Variants in SLC30A5 observed in about 807,000 individuals in gnomAD.
The protein encoded by SLC30A5 is solute carrier family 30 member 5.
In SLC30A5, 33 loss-of-function variants were observed where a neutral mutation model predicts 79.6. The ratio of observed to expected loss-of-function variants is 0.41; its 90% CI spans 0.31 to 0.55. The LOEUF (loss-of-function observed/expected upper bound fraction) is 0.55, where lower values mean the gene tolerates loss of function less well. Among genes scored for constraint, SLC30A5 ranks in the 20% least tolerant of loss-of-function variants. SLC30A5 has a pLI of 0.20. For missense variants in SLC30A5, 788 were observed against 928.1 expected, an observed-to-expected ratio of 0.85 and a Z score of 1.96; for synonymous variants, 299 against 319.7, an observed-to-expected ratio of 0.94 and a Z score of 0.69.
rs1217780579 is a variant in SLC30A5 at position 69,094,333 on chromosome 5, C to A, written c.78C>A (p.Ser26Arg). ...GCCTTGGGCCGGTGGACGTACCCAGCGCTCGGTAAGGGACCGATCCGGAAG... is the reference window on the plus strand; with the variant it reads ...GCCTTGGGCCGGTGGACGTACCCAGAGCTCGGTAAGGGACCGATCCGGAAG... ...GGGLGPVDVPSARLTKYIVLL... is the reference protein window; with the variant it reads ...GGGLGPVDVPRARLTKYIVLL... Residue 26 changes from serine to arginine, a missense_variant, in exon 1 of 16, where the codon AGC (serine) becomes AGA (arginine). Around this residue, in one of 3 missense-constraint regions of SLC30A5, gnomAD observed 626 missense variants for 755.5 expected, o/e 0.83. Coordinates refer to ENST00000396591, the MANE Select transcript of SLC30A5 (RefSeq NM_022902.5). 41 of 1,251,506 alleles carry A rather than the reference C, an allele frequency of 3.3e-5. No homozygotes were observed. Among genetic ancestry groups the A allele is most frequent in the Non-Finnish European group, 3.9e-5 (39 of 990,808 alleles). The allele number at this position is 1,251,506 out of a possible 1,614,324, so 77.5% of individuals were successfully genotyped here. A position where few individuals can be genotyped will look rare whatever the true frequency, so the allele number is the denominator to read the frequency against.
intron 6 of SLC30A5, among the ~76,000 whole-genome samples, chr5:69,113,635 T>A (rs1035958702): frequency 6.6e-6 from 1 of 152,202 alleles, no homozygotes; most frequent in African/African-American, 2.4e-5. Context: ...GTATTCATTG[T>A]CTTGCTCTAA....
At position 69,129,461 on chromosome 5, in the gene SLC30A5, T is replaced by TA. The variant is rs747152348; in HGVS notation, c.2145dup (p.Asp716ArgfsTer29). 3 of 1,611,682 alleles carry TA rather than the reference T, an allele frequency of 1.9e-6. No homozygotes were observed. Among genetic ancestry groups the TA allele is most frequent in the Non-Finnish European group, 2.5e-6 (3 of 1,179,302 alleles). ...TTTTATAACAGGTTACAGGAATACTTAAAGATGCTGGAGTAAACAATTTAA... is the reference window on the plus strand; with the variant it reads ...TTTTATAACAGGTTACAGGAATACTTAAAAGATGCTGGAGTAAACAATTTAA... On this transcript the variant is annotated frameshift_variant, in exon 16 of 16. Transcript: ENST00000396591. LOFTEE classifies it high-confidence loss of function.
chr5:69,116,596 G>C lies in SLC30A5; in HGVS notation c.1275G>C (p.Leu425Phe), dbSNP rs1425175589. 6.5e-7 allele frequency: 1 copy of C among 1,541,766 alleles called. No individual in the cohort carries two copies. Among genetic ancestry groups the C allele is most frequent in the Non-Finnish European group, 8.7e-7 (1 of 1,149,136 alleles). ...DSRQIFYFLC[L>F]NLLFTFVELF... ...GGCAGATCTTTTACTTCTTGTGCTT[G>C]AATCTGGTAAGATTTTTAAATGTTA... Residue 425 changes from leucine (L) to phenylalanine (F), a missense_variant, in exon 10 of 16, where the codon TTG becomes TTC. By Grantham distance (22) the Leu-to-Phe change is conservative. Coordinates refer to ENST00000396591, the MANE Select transcript of SLC30A5 (RefSeq NM_022902.5). The surrounding 1 kb of genome is among the most constrained non-coding windows in gnomAD (Gnocchi z 4.0).
intron 4 of SLC30A5, among the ~76,000 whole-genome samples, chr5:69,106,387 C>T (rs143657930): frequency 1.7e-4 from 26 of 152,222 alleles, no homozygotes; most frequent in African/African-American, 5.8e-4. Flanking sequence ...TCCTGTGTTA[C>T]TATATCACTG....
rs944941001 is a variant in SLC30A5, at chr5:69,130,420, A to G, written c.*803A>G. The G allele has an allele frequency of 6.6e-6, 1 of 152,162 alleles. No homozygotes were observed. The highest frequency in any genetic ancestry group is 2.4e-5 in the African/African-American group (1 of 41,452). 9.4% of individuals were successfully genotyped at this position (152,162 alleles called of 1,614,324 possible). On this transcript the variant is annotated 3_prime_UTR_variant, in exon 16 of 16. Coordinates refer to ENST00000396591, the MANE Select transcript of SLC30A5 (RefSeq NM_022902.5). The stretch of plus-strand genomic sequence containing the variant: ...AAGCTGCTTATCAAGCTGGTATCCA[A>G]GCAGTGGTAAGCTTTCATCCTTTCT...
In SLC30A5 at chr5:69,094,424, C is replaced by A. The variant is rs1393552705; in HGVS notation, c.83+86C>A. 9.8e-6 allele frequency: 12 copies of A among 1,219,162 alleles called. No homozygotes were observed. The African/African-American group carries it at 1.9e-4, about 19-fold the overall frequency. The allele number at this position is 1,219,162 out of a possible 1,614,324, so 75.5% of individuals were successfully genotyped here. A position where few individuals can be genotyped will look rare whatever the true frequency, so the allele number is the denominator to read the frequency against. ...CCTCCCTCCGGTCTCCGCTGACAGC[C>A]CGGGACGTCCCGGGGTCGGCGCGCC... On this transcript the variant is annotated intron_variant, in intron 1 of 15. Transcript: ENST00000396591.
intron 4 of SLC30A5, among the ~76,000 whole-genome samples, chr5:69,105,350 T>TC (rs1746052614): frequency 1.3e-5 from 2 of 152,208 alleles, no homozygotes; most frequent in African/African-American, 4.8e-5. Context: ...GTAAAGGATT[T>TC]TACTTAGTGA....
At chr5:69,126,247 T>C (rs901386404) in intron 14 of SLC30A5, among the ~76,000 whole-genome samples, 2 of 152,206 alleles carry the variant, frequency 1.3e-5, no homozygotes, top group African/African-American at 2.4e-5. Flanking sequence ...TAAATAAAAT[T>C]AGTAAAGTTA....
intron 1 of SLC30A5, 115 bp downstream of exon 1, chr5:69,094,453 T>G: frequency 7.3e-6 from 8 of 1,095,340 alleles, no homozygotes; most frequent in Non-Finnish European, 9.3e-6. Context: ...GCGCGCCCTC[T>G]CCCCCTGCCT....
At chr5:69,126,668 G>T (rs1300223902) in intron 14 of SLC30A5, among the ~76,000 whole-genome samples, 1 of 151,978 alleles carries the variant, frequency 6.6e-6, no homozygotes, top group East Asian at 1.9e-4. Context: ...TATTCGGGAG[G>T]CTGAGGCAGA....
At position 69,123,267 on chromosome 5, in the gene SLC30A5, G is replaced by C. The variant is rs747904806; in HGVS notation, c.1840G>C (p.Glu614Gln). The change falls in exon 14 of 16, where the codon GAG (glutamate) becomes CAG (glutamine). Residue 614 changes from glutamate (E) to glutamine (Q), a missense_variant. By Grantham distance (29) the Glu-to-Gln change is conservative (BLOSUM62 2). Transcript: ENST00000396591. ...TGTGATCGTATCCACAGTTCTTATA[G>C]AGCAGTTTGGATGGTTCATCGCTGA... ...IGVIVSTVLIEQFGWFIADPL... is the reference protein window; with the variant it reads ...IGVIVSTVLIQQFGWFIADPL... 6.2e-7 allele frequency: 1 copy of C among 1,613,990 alleles called. No individual in the cohort carries two copies. The highest frequency in any genetic ancestry group is 8.5e-7 in the Non-Finnish European group (1 of 1,180,000).
At chr5:69,127,450 G>GA (rs1381578859) in intron 14 of SLC30A5, among the ~76,000 whole-genome samples, 1 of 130,474 alleles carries the variant, frequency 7.7e-6, no homozygotes, top group Non-Finnish European at 1.6e-5. Flanking sequence ...GCAACATGGT[G>GA]AAACCCCATC....
chr5:69,118,407 A>T, intron 11 of SLC30A5, 92 bp from the exon 12 acceptor site: 4 of 980,068 alleles, frequency 4.1e-6, no homozygotes, highest in Non-Finnish European at 4.4e-6. Flanking sequence ...ACTTAGTAGT[A>T]TGAAAATTTG....
rs1032995009 is a variant in SLC30A5 at position 69,130,968 on chromosome 5, G to A, written c.*1351G>A. ...TCTTACCAATTTTAATATATGAGGGGTTTTAGAAATTTGTTGTAAGTTATT... is the reference window on the plus strand; with the variant it reads ...TCTTACCAATTTTAATATATGAGGGATTTTAGAAATTTGTTGTAAGTTATT... On this transcript the variant is annotated 3_prime_UTR_variant, in exon 16 of 16. Coordinates refer to ENST00000396591, the MANE Select transcript of SLC30A5 (RefSeq NM_022902.5). The A allele has an allele frequency of 6.6e-6, 1 of 151,932 alleles. No homozygotes were observed. Among genetic ancestry groups the A allele is most frequent in the African/African-American group, 2.4e-5 (1 of 41,344 alleles). 9.4% of individuals were successfully genotyped at this position (151,932 alleles called of 1,614,324 possible).
At chr5:69,123,139 A>T in intron 13 of SLC30A5, 60 bp from the exon 14 acceptor site, 1 of 1,164,440 alleles carries the variant, frequency 8.6e-7, no homozygotes, top group Non-Finnish European at 1.2e-6. Context: ...AGTAGAATGT[A>T]TTAAAAAACT....
chr5:69,108,676 G>T (rs1052305762), intron 5 of SLC30A5, among the ~76,000 whole-genome samples: 3 of 151,996 alleles, frequency 2.0e-5, no homozygotes, highest in African/African-American at 2.4e-5. Flanking sequence ...ACAAAAATTA[G>T]CTGGGCATGG....
At position 69,116,229 on chromosome 5, in the gene SLC30A5, CT is replaced by C. The variant is rs771173458; in HGVS notation, c.1072+23del. On this transcript the variant is annotated intron_variant, in intron 9 of 15. Transcript: ENST00000396591. The surrounding 1 kb of genome is among the most constrained non-coding windows in gnomAD (Gnocchi z 4.0). ...CTTCATTTTGTGTAAGCATTCCCCC[CT>C]TTTTTTTATTTTAACAAATTTCTAT... The C allele has an allele frequency of 5.2e-6, 8 of 1,544,070 alleles. No homozygotes were observed. Among genetic ancestry groups the C allele is most frequent in the Non-Finnish European group, 5.2e-6 (6 of 1,147,722 alleles).
intron 8 of SLC30A5, 94 bp from the exon 9 acceptor site, chr5:69,115,832 G>C: frequency 2.8e-6 from 3 of 1,062,500 alleles, no homozygotes; most frequent in Non-Finnish European, 2.7e-6. Flanking sequence ...TGAATCATGC[G>C]ATTTTTATTT....
intron 14 of SLC30A5, among the ~76,000 whole-genome samples, chr5:69,127,486 A>T (rs940400284): frequency 4.7e-5 from 7 of 149,810 alleles, no homozygotes; most frequent in Admixed American, 1.3e-4. Context: ...AAAAAAAAAA[A>T]AAAAAAAAAT....
Sources: gnomAD v4.1 joint callset for allele counts (sites outside exome capture counted in the v4.1 genomes callset) on GRCh38, gnomAD v4.1.1 for gene constraint, gnomAD v4.1.1 regional missense constraint, Gnocchi (gnomAD v3.1) non-coding constraint, MANE v1.5 for transcripts, NCBI Gene and HGNC (gene_info 2026-07-23, HGNC 2026-07-21) for gene names.